Variants in ABCA5 observed in about 807,000 individuals in gnomAD.
ABCA5 encodes cholesterol transporter ABCA5.
A neutral mutation model predicts 206.0 loss-of-function variants in ABCA5; 163 were observed. That is an observed-to-expected ratio of 0.79 (90% CI 0.70 to 0.90). The LOEUF (loss-of-function observed/expected upper bound fraction) is 0.90. Ranked by LOEUF, ABCA5 falls within the 40% of genes least tolerant of loss-of-function variation. The probability of loss-of-function intolerance (pLI) is 0.00; values close to 1 mark genes in which losing one functional copy is unlikely to be tolerated. For synonymous variants in ABCA5, 609 were observed against 613.8 expected (o/e 0.99, Z 0.11); for missense variants, 1,859 against 1,912.9 (o/e 0.97, Z 0.53).
intron 18 of ABCA5, among the ~76,000 whole-genome samples, chr17:69,279,944 A>G (rs1278083208): frequency 1.3e-5 from 2 of 152,230 alleles, no homozygotes; most frequent in African/African-American, 4.8e-5. Context: ...AAGAAAACCT[A>G]GGCATTACCA....
intron 38 of ABCA5, 62 bp downstream of exon 38, chr17:69,248,200 A>G (rs973460420): frequency 2.0e-6 from 2 of 1,021,674 alleles, no homozygotes; most frequent in South Asian, 3.0e-5. Context: ...TATAAACCAA[A>G]ACAATCGATA....
rs1264254796 is a variant in ABCA5, at chr17:69,253,096, G to A, written c.4415+477C>T. ...TAATAGGCTATACCATATAGTCTAG[G>A]TGTGTAGTAGGCTATAACCACCCAG... is the stretch of plus-strand genomic sequence containing the variant. On this transcript the variant is annotated intron_variant, in intron 34 of 38. Coordinates refer to ENST00000392676, the MANE Select transcript of ABCA5 (RefSeq NM_172232.4). 2.0e-5 allele frequency among the ~76,000 whole-genome samples: 3 copies of A among 152,112 alleles called. No individual in the cohort carries two copies. The South Asian group carries it at 6.3e-4, about 32-fold the overall frequency.
At chr17:69,261,310 T>C (rs1232582101) in intron 25 of ABCA5, 51 bp from the exon 26 acceptor site, 19 of 1,524,110 alleles carry the variant, frequency 1.2e-5, no homozygotes, top group Non-Finnish European at 1.6e-5. Flanking sequence ...AGAAACTTCT[T>C]ACAAATTGGT....
chr17:69,260,542 A>C, intron 26 of ABCA5, 130 bp from the exon 27 acceptor site: 1 of 620,850 alleles, frequency 1.6e-6, no homozygotes, highest in East Asian at 3.0e-5. Context: ...TTAGTAAGTT[A>C]TGTTTTTTAC....
intron 5 of ABCA5, among the ~76,000 whole-genome samples, chr17:69,307,812 T>TA (rs1268398644): frequency 6.6e-6 from 1 of 152,132 alleles, no homozygotes; most frequent in African/African-American, 2.4e-5. Flanking sequence ...GCTCCATCAT[T>TA]ATTCATACAT....
Position 69,261,250 on chromosome 17 carries a change from CCAA to C in ABCA5, c.3436_3438del (p.Leu1146del), listed in dbSNP as rs1567754042. On this transcript the variant is annotated inframe_deletion, in exon 26 of 39. Transcript: ENST00000392676. ...GTTATTTCAGTGATTGCAATACAAG[CCAA>C]CGCTGCCTAAAGAAAAAAATAAATA... 1.3e-6 allele frequency: 2 copies of C among 1,588,872 alleles called. No homozygotes were observed. Among genetic ancestry groups the C allele is most frequent in the Non-Finnish European group, 1.7e-6 (2 of 1,170,880 alleles).
intron 14 of ABCA5, 120 bp from the exon 15 acceptor site, chr17:69,287,871 A>C: frequency 1.0e-6 from 1 of 960,902 alleles, no homozygotes; most frequent in Non-Finnish European, 1.4e-6. Flanking sequence ...GAAATATATT[A>C]GATCAGATTT....
intron 1 of ABCA5, chr17:69,317,964 A>C (rs962538288): frequency 3.3e-5 from 5 of 152,226 alleles, no homozygotes; most frequent in South Asian, 4.1e-4. Context: ...ACAACAACAA[A>C]AAAATCCTGT....
chr17:69,261,316 T>C, intron 25 of ABCA5, 57 bp from the exon 26 acceptor site: 1 of 1,507,726 alleles, frequency 6.6e-7, no homozygotes, highest in Non-Finnish European at 9.0e-7. Flanking sequence ...TTCTTACAAA[T>C]TGGTGTCTAC....
Position 69,293,863 on chromosome 17 carries a change from TGTGTGTGTGC to T in ABCA5, c.1495+782_1495+791del, listed in dbSNP as rs1248822894. 5.6e-3 allele frequency among the ~76,000 whole-genome samples: 583 copies of T among 104,704 alleles called. 2 individuals carry two copies. Among genetic ancestry groups the T allele is most frequent in the African/African-American group, 0.014 (406 of 29,000 alleles). The allele number at this position is 104,704 out of a possible 152,430, so 68.7% of individuals were successfully genotyped here. On this transcript the variant is annotated intron_variant, in intron 11 of 38. Transcript: ENST00000392676. ...GTGTGTGTGTGTGTGTGTGTGTGTG[TGTGTGTGTGC>T]GTGTGTGTGTGTTTGTGTGTGTGTG...
At chr17:69,256,311 C>G (rs1346260577) in intron 28 of ABCA5, 28 bp from the exon 29 acceptor site, 1 of 1,420,386 alleles carries the variant, frequency 7.0e-7, no homozygotes, top group South Asian at 1.5e-5. Flanking sequence ...ATATAAAAGA[C>G]AGTAGGTTTT....
chr17:69,321,736 T>C (rs113853222), intron 1 of ABCA5, among the ~76,000 whole-genome samples: 7,066 of 151,914 alleles, frequency 0.047, 199 homozygotes, highest in Non-Finnish European at 0.067. Context: ...TAAAAAACAG[T>C]GGCACAAAGA....
At chr17:69,256,134 C>T (rs80160851) in intron 29 of ABCA5, 23 bp downstream of exon 29, 139,960 of 1,539,992 alleles carry the variant, frequency 0.091, 6,689 homozygotes, top group Non-Finnish European at 0.095. Context: ...TTTACTATGA[C>T]TTAGCCATAA....
chr17:69,268,137 C>A (rs928602054), intron 22 of ABCA5, 81 bp from the exon 23 acceptor site: 14 of 615,022 alleles, frequency 2.3e-5, no homozygotes, highest in Non-Finnish European at 3.1e-5. Flanking sequence ...TATCTTATAT[C>A]AAAAAAAAAT....
At chr17:69,305,848 G>A (rs1264836351) in intron 6 of ABCA5, among the ~76,000 whole-genome samples, 1 of 152,066 alleles carries the variant, frequency 6.6e-6, no homozygotes, top group Non-Finnish European at 1.5e-5. Flanking sequence ...TCCAGCCTAG[G>A]TGACAGAGCA....
chr17:69,286,945 C>A (rs1598179117), intron 15 of ABCA5, among the ~76,000 whole-genome samples: 1 of 152,140 alleles, frequency 6.6e-6, no homozygotes, highest in Non-Finnish European at 1.5e-5. Context: ...GGCTTCTATC[C>A]TTAGAAAGGC....
chr17:69,293,259 G>A (rs964066770), intron 11 of ABCA5, among the ~76,000 whole-genome samples: 2 of 152,058 alleles, frequency 1.3e-5, no homozygotes, highest in African/African-American at 4.8e-5. Context: ...AGATTGTGGG[G>A]TCTAGTAAGT....
At chr17:69,306,681 T>C in intron 6 of ABCA5, 44 bp downstream of exon 6, 8 of 982,480 alleles carry the variant, frequency 8.1e-6, no homozygotes, top group Non-Finnish European at 1.1e-5. Flanking sequence ...GTATATTTAA[T>C]ACAATTTTTA....
At chr17:69,303,845 C>CAT (rs1421146542) in intron 7 of ABCA5, among the ~76,000 whole-genome samples, 1,074 of 6,094 alleles carry the variant, frequency 0.18, 217 homozygotes, top group African/African-American at 0.24. Context: ...TATATACATA[C>CAT]ATATATATAT....
Sources: allele counts gnomAD v4.1 joint callset (sites outside exome capture counted in the v4.1 genomes callset), GRCh38; gene constraint gnomAD v4.1.1; transcripts MANE v1.5; gene names NCBI Gene and HGNC (gene_info 2026-07-23, HGNC 2026-07-21).